CUEDC1: variants seen among roughly 807,000 people sequenced by gnomAD.
CUEDC1 encodes CUE domain containing 1.
CUEDC1 carries 30 observed loss-of-function variants against 43.7 expected under a neutral mutation model. The ratio of observed to expected loss-of-function variants is 0.69; its 90% CI spans 0.51 to 0.93. The LOEUF (loss-of-function observed/expected upper bound fraction) is 0.93. CUEDC1 is among the 40% of genes least tolerant of loss of function. CUEDC1 has a pLI of 0.00. For synonymous variants in CUEDC1, 223 were observed against 223.6 expected (o/e 1.00, Z 0.02); for missense variants, 486 against 549.0 (o/e 0.89, Z 1.15).
intron 1 of CUEDC1, among the ~76,000 whole-genome samples, chr17:57,888,561 C>T (rs1341154724): frequency 6.6e-6 from 1 of 152,238 alleles, no homozygotes; most frequent in East Asian, 1.9e-4. Flanking sequence ...GACATGGCTT[C>T]CCATAGCCGG....
At chr17:57,865,147 C>CA (rs1310573816) in intron 10 of CUEDC1, among the ~76,000 whole-genome samples, 1 of 152,234 alleles carries the variant, frequency 6.6e-6, no homozygotes, top group Admixed American at 6.5e-5. Flanking sequence ...CCCTGGGGAC[C>CA]AGTAGGAAGG....
Position 57,877,578 on chromosome 17 carries a change from T to TAA in CUEDC1, c.464+2031_464+2032dup, listed in dbSNP as rs560214172. Among the ~76,000 whole-genome samples, 347 of 127,308 alleles carry TAA rather than the reference T, an allele frequency of 2.7e-3. 2 individuals carry two copies. Among genetic ancestry groups the TAA allele is most frequent in the Admixed American group, 0.016 (181 of 11,672 alleles). The allele number at this position is 127,308 out of a possible 152,430, so 83.5% of individuals were successfully genotyped here. The stretch of plus-strand genomic sequence containing the variant: ...TTTTTGCAAAAGTGTATTGGAATAT[T>TAA]AAAAAAAAAAAAAAAGGTGGGGGTG... On this transcript the variant is annotated intron_variant, in intron 3 of 10. Transcript: ENST00000577830.
chr17:57,876,197 T>C (rs1488662730), intron 3 of CUEDC1, among the ~76,000 whole-genome samples: 3 of 152,104 alleles, frequency 2.0e-5, no homozygotes, highest in Non-Finnish European at 4.4e-5. Flanking sequence ...GGCTCCCCGC[T>C]GTCTGCAAGA....
chr17:57,938,358 G>A (rs1041405145), intron 1 of CUEDC1, among the ~76,000 whole-genome samples: 29 of 152,042 alleles, frequency 1.9e-4, no homozygotes, highest in Non-Finnish European at 2.8e-4. Context: ...TGCTGGCCCC[G>A]GCCCTGACTA....
intron 1 of CUEDC1, among the ~76,000 whole-genome samples, chr17:57,925,663 T>A (rs2074740268): frequency 6.6e-6 from 1 of 151,890 alleles, no homozygotes; most frequent in Non-Finnish European, 1.5e-5. Flanking sequence ...AGCATGAGGA[T>A]ATAAAAGAGA....
At chr17:57,874,423 T>G (rs1028404321) in intron 3 of CUEDC1, among the ~76,000 whole-genome samples, 2 of 152,206 alleles carry the variant, frequency 1.3e-5, no homozygotes, top group Non-Finnish European at 2.9e-5. Context: ...GATCTCGCTC[T>G]CAGGGTGCTC....
At chr17:57,878,314 C>T (rs2074155145) in intron 3 of CUEDC1, among the ~76,000 whole-genome samples, 1 of 152,196 alleles carries the variant, frequency 6.6e-6, no homozygotes, top group South Asian at 2.1e-4. Context: ...ACAACAGTGC[C>T]CGCCTCTGCA....
intron 1 of CUEDC1, among the ~76,000 whole-genome samples, chr17:57,892,982 G>A (rs1015309522): frequency 1.3e-5 from 2 of 152,210 alleles, no homozygotes; most frequent in Admixed American, 6.5e-5. Flanking sequence ...TGCAAGCCAC[G>A]ACCAAGTGAT....
chr17:57,901,024 T>C (rs1567711160), intron 1 of CUEDC1, among the ~76,000 whole-genome samples: 2 of 152,212 alleles, frequency 1.3e-5, no homozygotes, highest in Admixed American at 1.3e-4. Context: ...TCTGAGAACA[T>C]GCTCTGGGGA....
intron 1 of CUEDC1, among the ~76,000 whole-genome samples, chr17:57,938,740 G>A (rs1000067619): frequency 2.0e-5 from 3 of 151,842 alleles, no homozygotes; most frequent in Non-Finnish European, 4.4e-5. Flanking sequence ...TCAGCTCAGC[G>A]CAACCTCTGC....
Position 57,908,079 on chromosome 17 carries a change from C to T in CUEDC1, c.-315-22200G>A, listed in dbSNP as rs113006638. 5.8e-3 allele frequency among the ~76,000 whole-genome samples: 886 copies of T among 152,012 alleles called. 7 individuals carry two copies. The highest frequency in any genetic ancestry group is 0.02 in the African/African-American group (842 of 41,476). ...ACCAGGCATCAGGTTCTTTTTGAGA[C>T]GAAATCTCGCTCTGTTTCCCAGGCT... On this transcript the variant is annotated intron_variant, in intron 1 of 10. Transcript: ENST00000577830.
rs373603404 is a variant in CUEDC1, at chr17:57,867,363, C to A, written c.1087G>T (p.Ala363Ser). ...ANLLDDVEGH[A>S]CDEDFRGRRQ... The stretch of plus-strand genomic sequence containing the variant: ...GACTCCCCTCCAGCCTCACCACACG[C>A]GTGGCCCTCCACATCATCCAGGAGG... Residue 363 changes from alanine (A) to serine (S), a missense_variant, in exon 9 of 11, where the codon GCG becomes TCG. Coordinates refer to ENST00000577830, the MANE Select transcript of CUEDC1 (RefSeq NM_001271875.2). The A allele has an allele frequency of 1.3e-6, 2 of 1,551,940 alleles. No homozygotes were observed.
chr17:57,931,198 G>A (rs1245348525), intron 1 of CUEDC1, among the ~76,000 whole-genome samples: 2 of 152,090 alleles, frequency 1.3e-5, no homozygotes, highest in Non-Finnish European at 2.9e-5. Flanking sequence ...TGAAGTGTGG[G>A]ATCATCTGAG....
chr17:57,928,546 C>CA (rs11411589), intron 1 of CUEDC1, among the ~76,000 whole-genome samples: 32,261 of 86,756 alleles, frequency 0.37, 6,108 homozygotes, highest in African/African-American at 0.53. Context: ...GACTCTGTCT[C>CA]AAAAAAAAAA....
intron 6 of CUEDC1, 90 bp from the exon 7 acceptor site, chr17:57,869,283 A>T: frequency 8.9e-7 from 1 of 1,127,188 alleles, no homozygotes; most frequent in Non-Finnish European, 1.3e-6. Context: ...ACAAATGCAA[A>T]GAAAGAGCAG....
chr17:57,879,758 G>C lies in CUEDC1; in HGVS notation c.337-20C>G. 6.3e-7 allele frequency: 1 copy of C among 1,587,710 alleles called. No individual in the cohort carries two copies. The highest frequency in any genetic ancestry group is 8.5e-7 in the Non-Finnish European group (1 of 1,170,550). On this transcript the variant is annotated intron_variant, in intron 2 of 10. Coordinates refer to ENST00000577830, the MANE Select transcript of CUEDC1 (RefSeq NM_001271875.2). Reference sequence around the variant, plus strand: ...CAAGATCTAAATCAGAGGCAACAGAGAAAGAAATATTAATCATCCCTCCTT... The same window carrying C: ...CAAGATCTAAATCAGAGGCAACAGACAAAGAAATATTAATCATCCCTCCTT...
At chr17:57,902,725 C>A (rs915844147) in intron 1 of CUEDC1, among the ~76,000 whole-genome samples, 2 of 152,234 alleles carry the variant, frequency 1.3e-5, no homozygotes, top group African/African-American at 4.8e-5. Flanking sequence ...CAGCTTAAGA[C>A]GTTGCGGGAA....
intron 1 of CUEDC1, among the ~76,000 whole-genome samples, chr17:57,891,542 C>G (rs1351554575): frequency 6.6e-6 from 1 of 152,190 alleles, no homozygotes; most frequent in East Asian, 1.9e-4. Flanking sequence ...CAATGGCTCC[C>G]ATGTCCCCAG....
At chr17:57,887,898 C>CTTTTTTTTTTTTTTTTTTTTTTTT (rs748886251) in intron 1 of CUEDC1, among the ~76,000 whole-genome samples, 1 of 118,032 alleles carries the variant, frequency 8.5e-6, no homozygotes, top group Non-Finnish European at 1.8e-5. Flanking sequence ...TTCTTTTTCT[C>CTTTTTTTTTTTTTTTTTTTTTTTT]TTTTTTTTTT....
Sources: gnomAD v4.1 joint callset for allele counts (sites outside exome capture counted in the v4.1 genomes callset) on GRCh38, gnomAD v4.1.1 for gene constraint, MANE v1.5 for transcripts, NCBI Gene and HGNC (gene_info 2026-07-23, HGNC 2026-07-21) for gene names.